SRGAP1: variants seen among roughly 807,000 people sequenced by gnomAD.
SRGAP1 encodes the protein SLIT-ROBO Rho GTPase-activating protein 1.
Under a neutral mutation model 121.9 loss-of-function variants are expected in SRGAP1, and 43 were observed. That is an observed-to-expected ratio of 0.35 (90% confidence interval 0.28 to 0.46). SRGAP1 has a LOEUF of 0.46. SRGAP1 is among the 20% of genes least tolerant of loss of function. The pLI, the probability that SRGAP1 is intolerant of heterozygous loss-of-function variation, is 1.00. For missense variants in SRGAP1, 1,102 were observed against 1,350.9 expected (o/e 0.82, Z 2.89); for synonymous variants, 447 against 485.4 (o/e 0.92, Z 1.04).
At chr12:64,119,813 C>T (rs1439385549) in intron 18 of SRGAP1, among the ~76,000 whole-genome samples, 5 of 144,844 alleles carry the variant, frequency 3.5e-5, no homozygotes, top group African/African-American at 1.3e-4. Flanking sequence ...TTTTTTTGCC[C>T]AGGCTGGAGT....
At chr12:64,044,105 G>C (rs2035078093) in intron 6 of SRGAP1, among the ~76,000 whole-genome samples, 1 of 152,172 alleles carries the variant, frequency 6.6e-6, no homozygotes, top group African/African-American at 2.4e-5. Context: ...CTAAGTCTCT[G>C]TACATTCTCT....
chr12:64,039,894 A>G (rs923338680), intron 4 of SRGAP1, among the ~76,000 whole-genome samples: 4 of 152,058 alleles, frequency 2.6e-5, no homozygotes, highest in African/African-American at 9.7e-5. Context: ...GTAGCCAACC[A>G]AACTTCTCCC....
intron 1 of SRGAP1, among the ~76,000 whole-genome samples, chr12:63,858,629 T>A (rs1312373135): frequency 6.6e-6 from 1 of 152,236 alleles, no homozygotes; most frequent in Non-Finnish European, 1.5e-5. Flanking sequence ...TTTAAACTGC[T>A]AATCAGTAGT....
chr12:63,844,784 G>C lies in SRGAP1; in HGVS notation c.-33G>C. ...GGGTTGTGACCACTGAACAAAACTTGCCCATTGAAAGCAAACCCGGAACAG... is the reference window on the plus strand; with the variant it reads ...GGGTTGTGACCACTGAACAAAACTTCCCCATTGAAAGCAAACCCGGAACAG... On this transcript the variant is annotated 5_prime_UTR_variant, in exon 1 of 22. Coordinates refer to ENST00000355086, the MANE Select transcript of SRGAP1 (RefSeq NM_020762.4). This position sits in a 1 kb window ranked among gnomAD's most constrained non-coding sequence, Gnocchi z 4.3. 6.2e-7 allele frequency: 1 copy of C among 1,611,632 alleles called. No homozygotes were observed. Among genetic ancestry groups the C allele is most frequent in the Non-Finnish European group, 8.5e-7 (1 of 1,177,770 alleles).
chr12:63,962,315 A>C (rs970848024), intron 1 of SRGAP1, among the ~76,000 whole-genome samples: 2 of 152,210 alleles, frequency 1.3e-5, no homozygotes, highest in African/African-American at 2.4e-5. Context: ...TTCTAGTTTA[A>C]GGAGACTTTT....
intron 1 of SRGAP1, among the ~76,000 whole-genome samples, chr12:63,847,976 T>C (rs1898956080): frequency 6.6e-6 from 1 of 151,148 alleles, no homozygotes; most frequent in Admixed American, 6.6e-5. Flanking sequence ...TGACTTCAGA[T>C]ATGGAATTTT....
intron 1 of SRGAP1, among the ~76,000 whole-genome samples, chr12:63,907,938 G>A (rs1248496229): frequency 1.6e-4 from 25 of 152,142 alleles, no homozygotes. Flanking sequence ...CAGTTGTGCA[G>A]CACCATTTGT....
chr12:63,972,968 C>A (rs752747654), intron 1 of SRGAP1, among the ~76,000 whole-genome samples: 4 of 151,828 alleles, frequency 2.6e-5, no homozygotes, highest in Non-Finnish European at 5.9e-5. Flanking sequence ...GCCAACATGA[C>A]AAACCTTGTC....
In SRGAP1 at chr12:63,882,584, C is replaced by T. The variant is rs184246351; in HGVS notation, c.67+37701C>T. On this transcript the variant is annotated intron_variant, in intron 1 of 21. Coordinates refer to ENST00000355086, the MANE Select transcript of SRGAP1 (RefSeq NM_020762.4). ...CAGGCGTGAACTACCACGCCCGGCC[C>T]TATAATGTTTTTATAATTAAAAAAT... Among the ~76,000 whole-genome samples, 224 of 152,198 alleles carry T rather than the reference C, an allele frequency of 1.5e-3. 5 individuals carry two copies. The East Asian group carries it at 0.038, about 26-fold the overall frequency.
intron 8 of SRGAP1, among the ~76,000 whole-genome samples, chr12:64,071,119 G>A (rs1360189818): frequency 1.3e-5 from 2 of 152,022 alleles, no homozygotes; most frequent in African/African-American, 2.4e-5. Flanking sequence ...ACATCTTCTT[G>A]GCCAAAATTA....
chr12:64,097,470 C>G, intron 15 of SRGAP1, 95 bp downstream of exon 15: 1 of 1,182,772 alleles, frequency 8.5e-7, no homozygotes, highest in Non-Finnish European at 1.2e-6. Context: ...CACCCCCACC[C>G]CCATTACCCC....
chr12:64,000,026 G>T lies in SRGAP1; in HGVS notation c.426+9954G>T, dbSNP rs564174546. ...AAGTGAAGAAAATGCTGCCAGGAGGGAGTGGTCAATATGCAAAGGTCCATG... is the reference window on the plus strand; with the variant it reads ...AAGTGAAGAAAATGCTGCCAGGAGGTAGTGGTCAATATGCAAAGGTCCATG... On this transcript the variant is annotated intron_variant, in intron 3 of 21. Transcript: ENST00000355086. Among the ~76,000 whole-genome samples, 8 of 152,236 alleles carry T rather than the reference G, an allele frequency of 5.3e-5. No individual in the cohort carries two copies. The East Asian group carries it at 1.5e-3, about 29-fold the overall frequency.
intron 1 of SRGAP1, among the ~76,000 whole-genome samples, chr12:63,872,962 T>G (rs1278047171): frequency 6.6e-6 from 1 of 152,152 alleles, no homozygotes; most frequent in Non-Finnish European, 1.5e-5. Context: ...TGAGGAGTTC[T>G]CTAGGAAAGG....
chr12:63,979,329 C>T (rs531498683), intron 1 of SRGAP1, among the ~76,000 whole-genome samples: 3 of 152,092 alleles, frequency 2.0e-5, no homozygotes, highest in Non-Finnish European at 4.4e-5. Context: ...TGAGCCACCG[C>T]ACCCAGCCTG....
At chr12:64,139,149 ATGTCTG>A (rs1459609636) in intron 21 of SRGAP1, among the ~76,000 whole-genome samples, 2 of 152,206 alleles carry the variant, frequency 1.3e-5, no homozygotes, top group African/African-American at 4.8e-5. Context: ...GATACCTAAT[ATGTCTG>A]ACCCTGCCCA....
intron 6 of SRGAP1, among the ~76,000 whole-genome samples, chr12:64,054,745 T>G (rs1426389233): frequency 7.9e-5 from 12 of 152,154 alleles, no homozygotes; most frequent in Non-Finnish European, 1.3e-4. Context: ...TTTTTTTCTT[T>G]TATTATTATA....
chr12:63,954,822 T>C (rs961784494), intron 1 of SRGAP1, among the ~76,000 whole-genome samples: 34 of 152,118 alleles, frequency 2.2e-4, no homozygotes, highest in African/African-American at 8.2e-4. Flanking sequence ...TTACTTATCG[T>C]TTTGGAAACT....
In SRGAP1 at chr12:64,154,402, G is replaced by C. The variant is rs150753076; in HGVS notation, c.*11730G>C. 13 of 152,308 alleles carry C rather than the reference G, an allele frequency of 8.5e-5. No homozygotes were observed. In the East Asian group the frequency reaches 2.5e-3, roughly 29 times the overall value. The allele number at this position is 152,308 out of a possible 1,614,324, so 9.4% of individuals were successfully genotyped here. A position where few individuals can be genotyped will look rare whatever the true frequency, so the allele number is the denominator to read the frequency against. ...AGGGAAGTGAGAGACCACAATTAAG[G>C]AGCAACACAGGAGATGAGGGTGGCT... On this transcript the variant is annotated 3_prime_UTR_variant, in exon 22 of 22. Transcript: ENST00000355086.
chr12:63,930,356 G>T (rs2031430056), intron 1 of SRGAP1, among the ~76,000 whole-genome samples: 1 of 149,460 alleles, frequency 6.7e-6, no homozygotes. Context: ...AAAAAAAGGG[G>T]AGCCCTCTTT....
Sources: gnomAD v4.1 joint callset for allele counts (sites outside exome capture counted in the v4.1 genomes callset) on GRCh38, gnomAD v4.1.1 for gene constraint, Gnocchi (gnomAD v3.1) non-coding constraint, MANE v1.5 for transcripts, NCBI Gene and HGNC (gene_info 2026-07-23, HGNC 2026-07-21) for gene names.